ANO2: variants seen among roughly 807,000 people sequenced by gnomAD.
ANO2 encodes the protein anoctamin-2.
ANO2 carries 101 observed loss-of-function variants against 124.2 expected under a neutral mutation model. The observed-to-expected ratio is 0.81, with a 90% CI of 0.69 to 0.96. ANO2 has a LOEUF of 0.96. Among genes scored for constraint, ANO2 ranks in the 40% least tolerant of loss-of-function variants. The pLI is 0.00. For missense variants in ANO2, 1,293 were observed against 1,274.5 expected (o/e 1.01, Z -0.22); for synonymous variants, 486 against 482.5 (o/e 1.01, Z -0.09).
intron 10 of ANO2, among the ~76,000 whole-genome samples, chr12:5,760,172 C>T (rs1282109606): frequency 6.6e-6 from 1 of 152,120 alleles, no homozygotes; most frequent in Non-Finnish European, 1.5e-5. Context: ...AAATTAAAAT[C>T]GATTTCTTTT....
At chr12:5,664,410 T>C (rs1028578266) in intron 14 of ANO2, among the ~76,000 whole-genome samples, 1 of 152,244 alleles carries the variant, frequency 6.6e-6, no homozygotes, top group Non-Finnish European at 1.5e-5. Flanking sequence ...CATCCATCCA[T>C]ACATGCATCC....
chr12:5,892,936 C>G (rs1396074341), intron 3 of ANO2, among the ~76,000 whole-genome samples: 1 of 152,164 alleles, frequency 6.6e-6, no homozygotes, highest in Non-Finnish European at 1.5e-5. Flanking sequence ...AACACTTTCT[C>G]ATAGAGTTTT....
At chr12:5,614,012 T>C (rs945332257) in intron 17 of ANO2, among the ~76,000 whole-genome samples, 1 of 152,324 alleles carries the variant, frequency 6.6e-6, no homozygotes, top group African/African-American at 2.4e-5. Flanking sequence ...AACACCTCTG[T>C]AAGAAATTAT....
intron 20 of ANO2, among the ~76,000 whole-genome samples, chr12:5,591,073 G>A (rs928724503): frequency 2.0e-5 from 3 of 152,114 alleles, no homozygotes; most frequent in African/African-American, 7.2e-5. Flanking sequence ...ACAACTACTC[G>A]GAAGGCTGAG....
Position 5,807,368 on chromosome 12 carries a change from C to T in ANO2, c.893G>A (p.Gly298Asp), listed in dbSNP as rs1454785819. ...TACSRANNTM[G>D]INSLIANNIY... Reference sequence around the variant, plus strand: ...ATTGTTTGCGATCAGAGAGTTAATACCTACGGAAGAAAGGGAGATGAAAAT... The same window carrying T: ...ATTGTTTGCGATCAGAGAGTTAATATCTACGGAAGAAAGGGAGATGAAAAT... Residue 298 changes from glycine (G) to aspartate (D), a missense_variant and splice_region_variant, in exon 8 of 25, where the codon GGT becomes GAT. Coordinates refer to ENST00000682330, the MANE Select transcript of ANO2 (RefSeq NM_001364791.2). The T allele has an allele frequency of 6.4e-7, 1 of 1,554,762 alleles. No homozygotes were observed. The highest frequency in any genetic ancestry group is 8.7e-7 in the Non-Finnish European group (1 of 1,148,788).
At chr12:5,912,724 G>A (rs1203131851) in intron 3 of ANO2, among the ~76,000 whole-genome samples, 1 of 152,198 alleles carries the variant, frequency 6.6e-6, no homozygotes, top group Non-Finnish European at 1.5e-5. Context: ...CTCGGGGTAG[G>A]AAAGAGGCAA....
At chr12:5,733,157 T>A (rs557140319) in intron 13 of ANO2, 1 of 532,116 alleles carries the variant, frequency 1.9e-6, no homozygotes, top group Non-Finnish European at 3.4e-6. Flanking sequence ...AACATCAAAG[T>A]CAAGGGTGGC....
intron 2 of ANO2, 24 bp downstream of exon 2, chr12:5,922,596 A>ACCC: frequency 1.3e-5 from 10 of 789,758 alleles, no homozygotes; most frequent in Non-Finnish European, 1.7e-5. Flanking sequence ...CTATCCCCCC[A>ACCC]CCCCACCCCC....
chr12:5,600,083 C>T (rs1301127173), intron 19 of ANO2, among the ~76,000 whole-genome samples: 1 of 152,152 alleles, frequency 6.6e-6, no homozygotes, highest in Non-Finnish European at 1.5e-5. Context: ...AAACATTGCC[C>T]ACCACTACTA....
At chr12:5,946,215 T>C, upstream of ANO2, 1 of 1,604,660 alleles carries the variant, frequency 6.2e-7, no homozygotes, top group Non-Finnish European at 8.5e-7. The surrounding 1 kb of genome is among the most constrained non-coding windows in gnomAD (Gnocchi z 4.1). Flanking sequence ...GATCCCACTT[T>C]ATAGAGAAGG....
chr12:5,791,937 A>T (rs1952710836), intron 10 of ANO2, among the ~76,000 whole-genome samples: 1 of 152,172 alleles, frequency 6.6e-6, no homozygotes. Flanking sequence ...ACAGCCATTT[A>T]TTTTATTTGT....
rs573520317 is a variant in ANO2, at chr12:5,645,399, A to T, written c.1620+2328T>A. On this transcript the variant is annotated intron_variant, in intron 15 of 24. Transcript: ENST00000682330. ...ATCAGACTCCGTCTCAAGAAAAAAC[A>T]AATCTATCCATGGTCGTGTGTGTGT... Among the ~76,000 whole-genome samples, 16 of 151,834 alleles carry T rather than the reference A, an allele frequency of 1.1e-4. 1 individual carries two copies. The South Asian group carries it at 1.9e-3, about 18-fold the overall frequency.
At chr12:5,640,003 G>C (rs1054951730) in intron 15 of ANO2, among the ~76,000 whole-genome samples, 14 of 152,108 alleles carry the variant, frequency 9.2e-5, no homozygotes, top group Non-Finnish European at 1.5e-5. Flanking sequence ...CATCGCCTCC[G>C]ACAATTCCCC....
intron 19 of ANO2, among the ~76,000 whole-genome samples, chr12:5,600,081 C>A (rs972703004): frequency 6.6e-6 from 1 of 152,174 alleles, no homozygotes; most frequent in Non-Finnish European, 1.5e-5. Flanking sequence ...CTAAACATTG[C>A]CCACCACTAC....
chr12:5,867,537 G>T (rs1955458412), intron 3 of ANO2, among the ~76,000 whole-genome samples: 2 of 152,166 alleles, frequency 1.3e-5, no homozygotes. Flanking sequence ...TCAGGTAAGT[G>T]AAGTTGAAAA....
chr12:5,767,116 G>A (rs893715728), intron 10 of ANO2, among the ~76,000 whole-genome samples: 1 of 152,196 alleles, frequency 6.6e-6, no homozygotes, highest in African/African-American at 2.4e-5. Flanking sequence ...TCTCAACTCT[G>A]CCAAGCTGAC....
intron 3 of ANO2, among the ~76,000 whole-genome samples, chr12:5,907,636 G>GA (rs549099501): frequency 6.6e-5 from 10 of 150,968 alleles, no homozygotes; most frequent in East Asian, 5.8e-4. Flanking sequence ...TAAAGAGGGG[G>GA]AAAAAAAAAG....
At position 5,636,563 on chromosome 12, in the gene ANO2, C is replaced by A. The variant is rs1162526713; in HGVS notation, c.1621-1216G>T. Among the ~76,000 whole-genome samples the A allele has an allele frequency of 6.7e-6, 1 of 148,492 alleles. No individual in the cohort carries two copies. Among genetic ancestry groups the A allele is most frequent in the African/African-American group, 2.5e-5 (1 of 40,366 alleles). On this transcript the variant is annotated intron_variant, in intron 15 of 24. Coordinates refer to ENST00000682330, the MANE Select transcript of ANO2 (RefSeq NM_001364791.2). This position sits in a 1 kb window ranked among gnomAD's most constrained non-coding sequence, Gnocchi z 4.6. ...AAATAGAAAACGTAGGGAGAGAAAA[C>A]AGCAGGTGGAAGGCTCCCTGAAAAA...
intron 14 of ANO2, among the ~76,000 whole-genome samples, chr12:5,660,340 G>A (rs1947374897): frequency 6.6e-6 from 1 of 150,890 alleles, no homozygotes; most frequent in Admixed American, 6.6e-5. Flanking sequence ...ACCATGATCC[G>A]GGCTTTGACT....
Sources: gnomAD v4.1 joint callset for allele counts (sites outside exome capture counted in the v4.1 genomes callset) on GRCh38, gnomAD v4.1.1 for gene constraint, Gnocchi (gnomAD v3.1) non-coding constraint, MANE v1.5 for transcripts, NCBI Gene and HGNC (gene_info 2026-07-23, HGNC 2026-07-21) for gene names.